PVT1: variants seen among roughly 807,000 people sequenced by gnomAD.
PVT1 encodes CXCR4/PVT1 fusion.
intron 2 of PVT1, among the ~76,000 whole-genome samples, chr8:127,849,941 TGTACATA>T (rs1439365911): frequency 1.9e-3 from 275 of 145,012 alleles, no homozygotes; most frequent in South Asian, 3.2e-3. Context: ...GTGCACAGCC[TGTACATA>T]TGTGTGTGTG....
intron 4 of PVT1, among the ~76,000 whole-genome samples, chr8:128,059,245 C>T (rs1468477628): frequency 1.3e-5 from 2 of 152,054 alleles, no homozygotes; most frequent in Non-Finnish European, 2.9e-5. Context: ...TGAGATATGG[C>T]AGGGAAAGGC....
intron 4 of PVT1, among the ~76,000 whole-genome samples, chr8:128,032,083 G>T (rs1409711279): frequency 6.6e-6 from 1 of 152,166 alleles, no homozygotes; most frequent in African/African-American, 2.4e-5. Context: ...CATTTTCATT[G>T]TTGATCCTGA....
chr8:127,884,760 G>A (rs16902452), intron 2 of PVT1, among the ~76,000 whole-genome samples: 1,572 of 152,310 alleles, frequency 0.01, 30 homozygotes, highest in African/African-American at 0.036. Flanking sequence ...TTCATGATAC[G>A]GGAAATCCCG....
chr8:128,071,527 T>TA (rs1563680289), intron 5 of PVT1, among the ~76,000 whole-genome samples: 50 of 149,744 alleles, frequency 3.3e-4, no homozygotes, highest in African/African-American at 1.1e-3. Context: ...ATAAAAATTT[T>TA]TAAAAAAAAA....
chr8:128,041,563 A>C (rs930810181), intron 4 of PVT1, among the ~76,000 whole-genome samples: 1 of 109,694 alleles, frequency 9.1e-6, no homozygotes, highest in Non-Finnish European at 1.9e-5. Context: ...GTATGTGTGT[A>C]TTTTGTGTGT....
chr8:127,837,269 A>T (rs1814919668), intron 2 of PVT1, among the ~76,000 whole-genome samples: 1 of 152,094 alleles, frequency 6.6e-6, no homozygotes, highest in African/African-American at 2.4e-5. Context: ...CATCCAGCTG[A>T]AGTCTTTCTG....
chr8:128,046,627 A>G (rs1813616517), intron 4 of PVT1, among the ~76,000 whole-genome samples: 1 of 152,208 alleles, frequency 6.6e-6, no homozygotes. Flanking sequence ...GGAGAAGCCC[A>G]GCTCCTTAGC....
intron 3 of PVT1, among the ~76,000 whole-genome samples, chr8:127,908,181 C>A (rs530743146): frequency 6.6e-6 from 1 of 152,116 alleles, no homozygotes; most frequent in East Asian, 1.9e-4. Context: ...CAAAATACAA[C>A]CACATTTTAG....
At chr8:128,072,409 AT>A (rs1198037110) in intron 5 of PVT1, among the ~76,000 whole-genome samples, 8 of 152,174 alleles carry the variant, frequency 5.3e-5, no homozygotes, top group Non-Finnish European at 1.2e-4. Context: ...CCACCTCCTT[AT>A]TTTTAAAATC....
At chr8:128,044,974 A>C (rs1233721568) in intron 4 of PVT1, among the ~76,000 whole-genome samples, 1 of 152,230 alleles carries the variant, frequency 6.6e-6, no homozygotes, top group Admixed American at 6.5e-5. Flanking sequence ...GAGTAAGTAG[A>C]TAAAGGAATG....
intron 3 of PVT1, among the ~76,000 whole-genome samples, chr8:127,924,247 T>C (rs1223342903): frequency 2.6e-5 from 4 of 152,222 alleles, no homozygotes; most frequent in African/African-American, 9.6e-5. Context: ...CTTCTTCCTT[T>C]CTTTTTTATA....
rs36101639 is a variant in PVT1, at chr8:127,817,528, A to AATATATATATATATATATATATATAT, written n.372+21476_372+21477insTATATATATATATATATATATATATA. Reference sequence around the variant, plus strand: ...ATATTTAAATAGATATATCTATTTAAATATATATATATATATATACACACA... The same window carrying AATATATATATATATATATATATATAT: ...ATATTTAAATAGATATATCTATTTAAATATATATATATATATATATATATATATATATATATATATATATACACACA... On this transcript the variant is annotated intron_variant and non_coding_transcript_variant, in intron 2 of 10. Transcript: ENST00000651587. Among the ~76,000 whole-genome samples, 80 of 68,660 alleles carry AATATATATATATATATATATATATAT rather than the reference A, an allele frequency of 1.2e-3. 1 individual carries two copies. Among genetic ancestry groups the AATATATATATATATATATATATATAT allele is most frequent in the African/African-American group, 3.8e-3 (73 of 19,130 alleles). The allele number at this position is 68,660 out of a possible 152,430, so 45.0% of individuals were successfully genotyped here.
intron 4 of PVT1, among the ~76,000 whole-genome samples, chr8:128,022,706 G>C (rs529598006): frequency 6.6e-6 from 1 of 152,128 alleles, no homozygotes; most frequent in East Asian, 1.9e-4. Context: ...GTAACTTTAC[G>C]TAAGTAGCAT....
At chr8:127,917,720 C>T (rs7388628) in intron 3 of PVT1, among the ~76,000 whole-genome samples, 169 of 152,392 alleles carry the variant, frequency 1.1e-3, no homozygotes, top group Non-Finnish European at 1.9e-3. Flanking sequence ...CGCCCCAACG[C>T]GCCTACAGCC....
rs530229928 is a variant in PVT1, at chr8:127,993,641, T to G, written n.912+4350T>G. Among the ~76,000 whole-genome samples the G allele has an allele frequency of 4.3e-4, 65 of 152,336 alleles. 1 individual carries two copies. Among genetic ancestry groups the G allele is most frequent in the African/African-American group, 1.6e-3 (65 of 41,588 alleles). On this transcript the variant is annotated intron_variant and non_coding_transcript_variant, in intron 4 of 10. Coordinates refer to ENST00000651587, the Ensembl canonical transcript of PVT1. ...CATTTTGACAGCACATAGGACATGC[T>G]TGGAGAACGTTTTCTTGAGTTAACT... is the stretch of plus-strand genomic sequence containing the variant.
intron 3 of PVT1, among the ~76,000 whole-genome samples, chr8:127,957,298 G>T (rs1816581194): frequency 6.6e-6 from 1 of 152,178 alleles, no homozygotes; most frequent in Non-Finnish European, 1.5e-5. Flanking sequence ...GCTGGACACG[G>T]TGGCTCATGC....
intron 4 of PVT1, among the ~76,000 whole-genome samples, chr8:128,063,533 T>G (rs1813858737): frequency 6.6e-6 from 1 of 151,826 alleles, no homozygotes; most frequent in Admixed American, 6.6e-5. Flanking sequence ...AAATAAATTT[T>G]GAGATTTATG....
chr8:127,802,055 A>G (rs1470437668), intron 2 of PVT1, among the ~76,000 whole-genome samples: 1 of 151,990 alleles, frequency 6.6e-6, no homozygotes, highest in African/African-American at 2.4e-5. Flanking sequence ...AGCTGGGATT[A>G]CAGGTGCCCA....
chr8:127,958,330 C>T (rs1374035209), intron 3 of PVT1, among the ~76,000 whole-genome samples: 4 of 151,966 alleles, frequency 2.6e-5, no homozygotes, highest in African/African-American at 4.8e-5. Context: ...ACCTCCGCCT[C>T]CTGGGTTCAA....
Sources: gnomAD v4.1 joint callset for allele counts (sites outside exome capture counted in the v4.1 genomes callset) on GRCh38, gnomAD v4.1.1 for gene constraint, MANE v1.5 for transcripts, NCBI Gene and HGNC (gene_info 2026-07-23, HGNC 2026-07-21) for gene names.